The following TOM1L2 variants were observed in gnomAD, a reference collection of about 807,000 sequenced individuals.
The protein encoded by TOM1L2 is TOM1-like protein 2.
A neutral mutation model predicts 67.9 loss-of-function variants in TOM1L2; 31 were observed. That is an observed-to-expected ratio of 0.46 (90% CI 0.34 to 0.62). TOM1L2 has a LOEUF of 0.62. TOM1L2 is among the 20% of genes least tolerant of loss of function. The probability of loss-of-function intolerance (pLI) is 0.01; values close to 1 mark genes in which losing one functional copy is unlikely to be tolerated. For synonymous variants in TOM1L2, 256 were observed against 254.0 expected, an observed-to-expected ratio of 1.01 and a Z score of -0.07; for missense variants, 606 against 663.5, an observed-to-expected ratio of 0.91 and a Z score of 0.95.
At chr17:17,874,581 T>C (rs2037326774) in intron 7 of TOM1L2, among the ~76,000 whole-genome samples, 1 of 152,152 alleles carries the variant, frequency 6.6e-6, no homozygotes, top group Non-Finnish European at 1.5e-5. Context: ...TCCATTACTT[T>C]AAAAAAACGT....
At chr17:17,930,082 A>C (rs1396441532) in intron 1 of TOM1L2, among the ~76,000 whole-genome samples, 5 of 152,310 alleles carry the variant, frequency 3.3e-5, no homozygotes, top group African/African-American at 9.6e-5. Flanking sequence ...AAAACAAAAC[A>C]AAAAAGACAC....
chr17:17,906,171 A>G (rs1389991316), intron 2 of TOM1L2, among the ~76,000 whole-genome samples: 1 of 149,372 alleles, frequency 6.7e-6, no homozygotes, highest in East Asian at 2.0e-4. Context: ...CTCTGTCACC[A>G]AAACTGGAGT....
chr17:17,872,044 TG>T, intron 7 of TOM1L2: 1 of 985,438 alleles, frequency 1.0e-6, no homozygotes, highest in Non-Finnish European at 1.2e-6. Context: ...CCTTGGGGCC[TG>T]CCAGACGTGG....
chr17:17,847,887 G>T, intron 14 of TOM1L2, 104 bp from the exon 15 acceptor site: 1 of 1,505,468 alleles, frequency 6.6e-7, no homozygotes. Flanking sequence ...GGGCAGGCAT[G>T]AAGCCCACCT....
At chr17:17,872,958 G>A (rs1471682676) in intron 7 of TOM1L2, among the ~76,000 whole-genome samples, 1 of 152,192 alleles carries the variant, frequency 6.6e-6, no homozygotes, top group Non-Finnish European at 1.5e-5. Flanking sequence ...TAGGTTGTGG[G>A]AAACAGATCC....
At chr17:17,921,557 G>A (rs1421979998) in intron 1 of TOM1L2, among the ~76,000 whole-genome samples, 1 of 152,166 alleles carries the variant, frequency 6.6e-6, no homozygotes, top group Non-Finnish European at 1.5e-5. Flanking sequence ...AAAGGCCTCT[G>A]CAGGAGCCAG....
At chr17:17,880,378 G>A (rs1028510838) in intron 6 of TOM1L2, among the ~76,000 whole-genome samples, 10 of 152,134 alleles carry the variant, frequency 6.6e-5, no homozygotes, top group Non-Finnish European at 1.3e-4. Context: ...GCCCATCAGC[G>A]ATCCCAAAGC....
Position 17,847,625 on chromosome 17 carries a change from A to G in TOM1L2, c.*10T>C, listed in dbSNP as rs1355365567. 1.0e-5 allele frequency: 16 copies of G among 1,599,918 alleles called. No individual in the cohort carries two copies. The highest frequency in any genetic ancestry group is 1.4e-5 in the Non-Finnish European group (16 of 1,172,728). ...GACCCGCCATCTGGGGAGGCAAACCACAGAGCTGCTCACAGGGCGAAGAGG... is the reference window on the plus strand; with the variant it reads ...GACCCGCCATCTGGGGAGGCAAACCGCAGAGCTGCTCACAGGGCGAAGAGG... On this transcript the variant is annotated 3_prime_UTR_variant, in exon 15 of 15. Transcript: ENST00000379504.
intron 2 of TOM1L2, among the ~76,000 whole-genome samples, chr17:17,900,908 A>C (rs1245824575): frequency 6.6e-6 from 1 of 152,164 alleles, no homozygotes; most frequent in African/African-American, 2.4e-5. Flanking sequence ...GCTGTCCCTG[A>C]CCCACAGCTG....
chr17:17,965,923 C>A (rs867046938), intron 1 of TOM1L2, among the ~76,000 whole-genome samples: 2 of 152,158 alleles, frequency 1.3e-5, no homozygotes, highest in African/African-American at 4.8e-5. Context: ...GAGTTTGAGA[C>A]CAACGTGGTC....
chr17:17,948,791 G>A (rs753900991), intron 1 of TOM1L2, among the ~76,000 whole-genome samples: 3 of 152,060 alleles, frequency 2.0e-5, no homozygotes, highest in Non-Finnish European at 2.9e-5. Flanking sequence ...CAAGGCAGGG[G>A]TCCTAGGAAG....
At chr17:17,928,127 C>A (rs1290497011) in intron 1 of TOM1L2, among the ~76,000 whole-genome samples, 1 of 148,824 alleles carries the variant, frequency 6.7e-6, no homozygotes, top group Non-Finnish European at 1.5e-5. Flanking sequence ...CATCTTTTTC[C>A]TTTTGTATAT....
intron 1 of TOM1L2, among the ~76,000 whole-genome samples, chr17:17,925,025 C>T (rs118022455): frequency 3.5e-4 from 53 of 152,058 alleles, no homozygotes; most frequent in Admixed American, 7.2e-4. Context: ...CCCTCCTCCA[C>T]TCTCTCTCTC....
chr17:17,852,376 C>T lies in TOM1L2; in HGVS notation c.1279-1424G>A, dbSNP rs147388488. 6.6e-4 allele frequency among the ~76,000 whole-genome samples: 101 copies of T among 152,296 alleles called. 2 individuals are homozygous for T. In the East Asian group the frequency reaches 0.016, roughly 24 times the overall value. On this transcript the variant is annotated intron_variant, in intron 12 of 14. Coordinates refer to ENST00000379504, the MANE Select transcript of TOM1L2 (RefSeq NM_001082968.2). ...GTCCAGCACTCTGAGCAGGTATCTA[C>T]GATGCCACCAGAGCTCTTCACTCCC...
chr17:17,865,783 C>T (rs1424862590), intron 10 of TOM1L2, among the ~76,000 whole-genome samples: 1 of 133,896 alleles, frequency 7.5e-6, no homozygotes, highest in Non-Finnish European at 1.5e-5. Context: ...CTTGCTCTGT[C>T]GCCCAGGCTG....
rs748402080 is a variant in TOM1L2, at chr17:17,879,612, T to TGAAA, written c.777+11_777+14dup. Reference sequence around the variant, plus strand: ...GCTGCCACCACAGGCCAAGTGCTTCTGAAAGATGACTCACCTGCAGCAACT... The same window carrying TGAAA: ...GCTGCCACCACAGGCCAAGTGCTTCTGAAAGAAAGATGACTCACCTGCAGCAACT... On this transcript the variant is annotated intron_variant, in intron 7 of 14. Transcript: ENST00000379504. 6.2e-7 allele frequency: 1 copy of TGAAA among 1,605,866 alleles called. No homozygotes were observed. Among genetic ancestry groups the TGAAA allele is most frequent in the South Asian group, 1.1e-5 (1 of 90,912 alleles).
chr17:17,901,320 G>C (rs999692987), intron 2 of TOM1L2, among the ~76,000 whole-genome samples: 1 of 152,228 alleles, frequency 6.6e-6, no homozygotes, highest in Non-Finnish European at 1.5e-5. Context: ...CCAAGATGGA[G>C]CAGAAAGAAA....
rs2143428660 is a variant in TOM1L2 at position 17,847,718 on chromosome 17, G to C, written c.1441C>G (p.Pro481Ala). 6.2e-7 allele frequency: 1 copy of C among 1,614,060 alleles called. No individual in the cohort carries two copies. The highest frequency in any genetic ancestry group is 8.5e-7 in the Non-Finnish European group (1 of 1,180,014). ...AEMVPDLPSP[P>A]MEAPAPASNP... ...GAGGCTGGGGCAGGAGCCTCCATGG[G>C]GGGCGAGGGGAGGTCGGGAACCATT... Residue 481 changes from proline to alanine, a missense_variant, in exon 15 of 15, where the codon CCC becomes GCC. By Grantham distance (27) the Pro-to-Ala change is conservative. Transcript: ENST00000379504.
At chr17:17,917,158 T>TA (rs1214758975) in intron 1 of TOM1L2, among the ~76,000 whole-genome samples, 1 of 151,538 alleles carries the variant, frequency 6.6e-6, no homozygotes, top group African/African-American at 2.4e-5. Context: ...AAACTCCATC[T>TA]AAAAAAATTA....
Sources: allele counts gnomAD v4.1 joint callset (sites outside exome capture counted in the v4.1 genomes callset), GRCh38; gene constraint gnomAD v4.1.1; transcripts MANE v1.5; gene names NCBI Gene and HGNC (gene_info 2026-07-23, HGNC 2026-07-21).